BEND5: variants seen among roughly 807,000 people sequenced by gnomAD.
The protein encoded by BEND5 is BEN domain containing 5.
BEND5 carries 22 observed loss-of-function variants against 43.9 expected under a neutral mutation model. The observed-to-expected ratio is 0.50, with a 90% CI of 0.36 to 0.72. The LOEUF is 0.72. Ranked by LOEUF, BEND5 falls within the 30% of genes least tolerant of loss-of-function variation. The probability of loss-of-function intolerance (pLI) is 0.00; values close to 1 mark genes in which losing one functional copy is unlikely to be tolerated. For synonymous variants in BEND5, 228 were observed against 225.9 expected, an observed-to-expected ratio of 1.01 and a Z score of -0.08; for missense variants, 428 against 550.6, an observed-to-expected ratio of 0.78 and a Z score of 2.23.
At chr1:48,753,947 T>C (rs1314274021) in intron 3 of BEND5, among the ~76,000 whole-genome samples, 1 of 152,182 alleles carries the variant, frequency 6.6e-6, no homozygotes, top group East Asian at 1.9e-4. Context: ...AGAGCACTGA[T>C]TTTATTTGCC....
At chr1:48,741,002 G>T (rs959601662) in intron 4 of BEND5, among the ~76,000 whole-genome samples, 1 of 152,190 alleles carries the variant, frequency 6.6e-6, no homozygotes, top group African/African-American at 2.4e-5. Context: ...CAACTCACGT[G>T]TAAAAATATT....
chr1:48,772,424 A>G (rs1010684081), intron 1 of BEND5, among the ~76,000 whole-genome samples: 55 of 152,202 alleles, frequency 3.6e-4, no homozygotes, highest in African/African-American at 8.9e-4. Flanking sequence ...AGCTCCTTGC[A>G]GGCAGAGGCC....
rs763576416 is a variant in BEND5, at chr1:48,736,731, G to A, written c.895-279C>T. ...CATTTTCCTTTCAGATGGAAACACC[G>A]GTTCAGACAGGTGAGGTGACTTGCT... is the stretch of plus-strand genomic sequence containing the variant. On this transcript the variant is annotated intron_variant, in intron 4 of 5. Coordinates refer to ENST00000371833, the MANE Select transcript of BEND5 (RefSeq NM_024603.4). The surrounding 1 kb of genome is among the most constrained non-coding windows in gnomAD (Gnocchi z 4.0). Among the ~76,000 whole-genome samples the A allele has an allele frequency of 1.9e-4, 29 of 152,108 alleles. No homozygotes were observed. The highest frequency in any genetic ancestry group is 3.2e-4 in the Non-Finnish European group (22 of 68,018).
rs534408887 is a variant in BEND5 at position 48,776,088 on chromosome 1, T to C, written c.226+518A>G. ...GGACAAGGATGTCATAGCTTCCCTCTGTGAGGAGGGACTCCCACCTAGAAG... is the reference window on the plus strand; with the variant it reads ...GGACAAGGATGTCATAGCTTCCCTCCGTGAGGAGGGACTCCCACCTAGAAG... On this transcript the variant is annotated intron_variant, in intron 1 of 5. Transcript: ENST00000371833. 2.6e-5 allele frequency among the ~76,000 whole-genome samples: 4 copies of C among 152,286 alleles called. No homozygotes were observed. In the South Asian group the frequency reaches 8.3e-4, roughly 32 times the overall value.
In BEND5 at chr1:48,736,115, G is replaced by A; in HGVS notation, c.1108+124C>T. ...TGGGTTATCCGCTTGGTGTCCCCGG[G>A]CTCAGCCCAGGGTCTGGCATGCAGA... On this transcript the variant is annotated intron_variant, in intron 5 of 5. Transcript: ENST00000371833. This position sits in a 1 kb window ranked among gnomAD's most constrained non-coding sequence, Gnocchi z 4.0. 6 of 1,113,554 alleles carry A rather than the reference G, an allele frequency of 5.4e-6. No individual in the cohort carries two copies. Among genetic ancestry groups the A allele is most frequent in the East Asian group, 2.4e-5 (1 of 42,248 alleles). The allele number at this position is 1,113,554 out of a possible 1,614,324, so 69.0% of individuals were successfully genotyped here.
chr1:48,746,136 T>C (rs28694548), intron 3 of BEND5, among the ~76,000 whole-genome samples: 6,672 of 152,254 alleles, frequency 0.044, 461 homozygotes, highest in African/African-American at 0.15. Context: ...AAGATAACAG[T>C]GACTTGGCAA....
chr1:48,741,776 G>A (rs764618226), intron 4 of BEND5, among the ~76,000 whole-genome samples: 4 of 152,136 alleles, frequency 2.6e-5, no homozygotes, highest in Admixed American at 1.3e-4. Context: ...AACACATGAC[G>A]CGTTAAGGAG....
chr1:48,773,542 G>A (rs1644936704), intron 1 of BEND5, among the ~76,000 whole-genome samples: 1 of 152,146 alleles, frequency 6.6e-6, no homozygotes, highest in Non-Finnish European at 1.5e-5. Context: ...AGAAAGAGCA[G>A]AATGGGCTTG....
chr1:48,731,661 C>T (rs777192365), intron 5 of BEND5, among the ~76,000 whole-genome samples: 7 of 152,072 alleles, frequency 4.6e-5, no homozygotes, highest in Non-Finnish European at 8.8e-5. Context: ...TCCAGGCATC[C>T]GGAAAAGTAT....
chr1:48,759,493 G>A (rs1411418851), intron 2 of BEND5: 1 of 1,011,462 alleles, frequency 9.9e-7, no homozygotes, highest in African/African-American at 1.7e-5. Context: ...GAGTGGGGAA[G>A]GGGCTTGCCC....
At chr1:48,754,741 C>T (rs372724546) in intron 3 of BEND5, among the ~76,000 whole-genome samples, 1 of 152,092 alleles carries the variant, frequency 6.6e-6, no homozygotes, top group African/African-American at 2.4e-5. Flanking sequence ...ATGCTAAGAT[C>T]ACAGACAAGG....
intron 5 of BEND5, among the ~76,000 whole-genome samples, chr1:48,732,735 C>T (rs186542323): frequency 6.6e-6 from 1 of 152,210 alleles, no homozygotes; most frequent in East Asian, 1.9e-4. Flanking sequence ...TCATCTGTAA[C>T]AGGTGAGGAG....
chr1:48,742,579 TAACA>T (rs779505632), intron 4 of BEND5, 40 bp downstream of exon 4: 2 of 1,461,034 alleles, frequency 1.4e-6, no homozygotes, highest in Admixed American at 2.3e-5. Context: ...TTACTCTGAC[TAACA>T]AACACTTGCA....
chr1:48,769,321 C>T (rs1298312892), intron 1 of BEND5, among the ~76,000 whole-genome samples: 1 of 152,112 alleles, frequency 6.6e-6, no homozygotes, highest in Non-Finnish European at 1.5e-5. Flanking sequence ...CCCACCACCT[C>T]TCTGGCCTTG....
rs771473868 is a variant in BEND5, at chr1:48,736,764, A to G, written c.895-312T>C. On this transcript the variant is annotated intron_variant, in intron 4 of 5. Coordinates refer to ENST00000371833, the MANE Select transcript of BEND5 (RefSeq NM_024603.4). The surrounding 1 kb of genome is among the most constrained non-coding windows in gnomAD (Gnocchi z 4.0). ...CAGGTGAGGTGACTTGCTGAACATC[A>G]TTCAACTAGTAAGTGGCAGAGTTGA... 1.4e-4 allele frequency among the ~76,000 whole-genome samples: 21 copies of G among 152,338 alleles called. No homozygotes were observed. The highest frequency in any genetic ancestry group is 2.6e-4 in the Non-Finnish European group (18 of 68,026).
chr1:48,745,142 A>G (rs148887266), intron 3 of BEND5, among the ~76,000 whole-genome samples: 110 of 152,306 alleles, frequency 7.2e-4, no homozygotes, highest in African/African-American at 2.5e-3. Flanking sequence ...CGCCTGGCAC[A>G]TGGCAGGCTC....
intron 4 of BEND5, 23 bp downstream of exon 4, chr1:48,742,600 G>A: frequency 1.3e-6 from 2 of 1,509,520 alleles, no homozygotes; most frequent in Non-Finnish European, 1.8e-6. Flanking sequence ...TGCAGGGAAT[G>A]GATATTGAGC....
chr1:48,762,116 T>C (rs1173565730), intron 1 of BEND5, among the ~76,000 whole-genome samples: 1 of 152,172 alleles, frequency 6.6e-6, no homozygotes, highest in Admixed American at 6.5e-5. Context: ...CATGAGGAAA[T>C]TCAAACCCAG....
chr1:48,776,670 G>A lies in BEND5; in HGVS notation c.162C>T (p.Pro54=), dbSNP rs1645106408. 2 of 1,498,938 alleles carry A rather than the reference G, an allele frequency of 1.3e-6. No homozygotes were observed. The highest frequency in any genetic ancestry group is 1.8e-6 in the Non-Finnish European group (2 of 1,126,750). 92.9% of individuals were successfully genotyped at this position (1,498,938 alleles called of 1,614,324 possible). A position where few individuals can be genotyped will look rare whatever the true frequency, so the allele number is the denominator to read the frequency against. ...CGCCCCAGTCGCGGGGGGCGCGCGG[G>A]GGGCTCTCGGGCCCGGCGCCCAATT... ...PEELGAGPES[P]PRAPRDWGAL... The change falls in exon 1 of 6, where the codon CCC becomes CCT. Residue 54 remains proline, a synonymous_variant. Coordinates refer to ENST00000371833, the MANE Select transcript of BEND5 (RefSeq NM_024603.4).
Sources: gnomAD v4.1 joint callset for allele counts (sites outside exome capture counted in the v4.1 genomes callset) on GRCh38, gnomAD v4.1.1 for gene constraint, Gnocchi (gnomAD v3.1) non-coding constraint, MANE v1.5 for transcripts, NCBI Gene and HGNC (gene_info 2026-07-23, HGNC 2026-07-21) for gene names.